ZNF589: variants seen among roughly 807,000 people sequenced by gnomAD.
ZNF589 encodes KRAB-zinc finger protein SZF1-1.
A neutral mutation model predicts 13.6 loss-of-function variants in ZNF589; 17 were observed. The ratio of observed to expected loss-of-function variants is 1.25; its 90% CI spans 0.86 to 1.88. The LOEUF is 1.88. Among genes scored for constraint, ZNF589 ranks in the 40% most tolerant of loss-of-function variants. The pLI is 0.00. For synonymous variants in ZNF589, 148 were observed against 161.6 expected (o/e 0.92, Z 0.64); for missense variants, 407 against 434.0 (o/e 0.94, Z 0.55).
At chr3:48,264,627 G>A (rs1249655505) in intron 3 of ZNF589, among the ~76,000 whole-genome samples, 3 of 151,672 alleles carry the variant, frequency 2.0e-5, no homozygotes, top group East Asian at 3.9e-4. Context: ...TCAGGAGTTC[G>A]AGACCAGCCT....
Position 48,260,912 on chromosome 3 carries a change from G to T in ZNF589, c.196G>T (p.Glu66Ter). ...QRNLYKEVML[E>*]NLRNLVSLAE... is the part of the protein sequence containing the mutation. The stretch of plus-strand genomic sequence containing the variant: ...GAACCTATACAAAGAAGTGATGCTG[G>T]AAAATCTCAGGAATCTGGTCTCATT... The change falls in exon 3 of 4, where the codon GAA becomes TAA. Residue 66 changes from glutamate (E) to a stop codon, truncating the protein, a stop_gained. Coordinates refer to ENST00000354698, the MANE Select transcript of ZNF589 (RefSeq NM_016089.3). LOFTEE classifies it low-confidence loss of function (END_TRUNC). 1 of 1,614,150 alleles carries T rather than the reference G, an allele frequency of 6.2e-7. No individual in the cohort carries two copies. The highest frequency in any genetic ancestry group is 1.7e-5 in the Admixed American group (1 of 60,006).
intron 1 of ZNF589, among the ~76,000 whole-genome samples, chr3:48,246,181 G>C (rs28459072): frequency 3.3e-5 from 5 of 151,996 alleles, no homozygotes; most frequent in Non-Finnish European, 5.9e-5. Context: ...GGGCATGGTG[G>C]TGCATGCCTG....
At chr3:48,245,571 G>A (rs1410943020) in intron 1 of ZNF589, among the ~76,000 whole-genome samples, 1 of 152,180 alleles carries the variant, frequency 6.6e-6, no homozygotes, top group African/African-American at 2.4e-5. Flanking sequence ...TTAGAAATAT[G>A]ACATCCCAGT....
chr3:48,259,056 G>A (rs960720505), intron 2 of ZNF589, among the ~76,000 whole-genome samples: 6 of 152,218 alleles, frequency 3.9e-5, no homozygotes, highest in Admixed American at 6.5e-5. Context: ...GAACCAGGAT[G>A]TGCCTGAAGC....
chr3:48,245,701 AT>A (rs1455898182), intron 1 of ZNF589, among the ~76,000 whole-genome samples: 1 of 152,140 alleles, frequency 6.6e-6, no homozygotes, highest in Non-Finnish European at 1.5e-5. Flanking sequence ...TAATCCCAGC[AT>A]TTGGGAGGCC....
intron 3 of ZNF589, among the ~76,000 whole-genome samples, chr3:48,265,256 G>A (rs2034007589): frequency 7.2e-6 from 1 of 138,614 alleles, no homozygotes; most frequent in African/African-American, 2.7e-5. Context: ...ACAGGCATGA[G>A]CCACTGTGCC....
At position 48,268,262 on chromosome 3, in the gene ZNF589, C is replaced by T; in HGVS notation, c.571C>T (p.Pro191Ser). ...CAGAATATTAGAGATACAGCTCAGT[C>T]CAGCCCAGAATGCAAGCTCTGAGGA... ...GNRILEIQLS[P>S]AQNASSEEVD... The change falls in exon 4 of 4, where the codon CCA becomes TCA. Residue 191 changes from proline (P) to serine (S), a missense_variant. Physicochemically the swap from Pro to Ser is moderately conservative, Grantham distance 74. Coordinates refer to ENST00000354698, the MANE Select transcript of ZNF589 (RefSeq NM_016089.3). 12 of 1,609,686 alleles carry T rather than the reference C, an allele frequency of 7.5e-6. No homozygotes were observed. The highest frequency in any genetic ancestry group is 1.0e-5 in the Non-Finnish European group (12 of 1,177,596).
intron 2 of ZNF589, chr3:48,256,558 C>T: frequency 1.5e-6 from 1 of 674,890 alleles, no homozygotes; most frequent in South Asian, 1.6e-5. Flanking sequence ...GATTTGGTAA[C>T]AGACCTGCTC....
rs2034058503 is a variant in ZNF589, at chr3:48,269,023, T to A, written c.*237T>A. 12 of 704,440 alleles carry A rather than the reference T, an allele frequency of 1.7e-5. No individual in the cohort carries two copies. Among genetic ancestry groups the A allele is most frequent in the Non-Finnish European group, 2.9e-5 (12 of 415,402 alleles). 43.6% of individuals were successfully genotyped at this position (704,440 alleles called of 1,614,324 possible). Reference sequence around the variant, plus strand: ...GAACACACTCAGGGGAGAAGCCTTATGTGTGTGGGGAATGTGGGCGGGGAT... The same window carrying A: ...GAACACACTCAGGGGAGAAGCCTTAAGTGTGTGGGGAATGTGGGCGGGGAT... On this transcript the variant is annotated 3_prime_UTR_variant, in exon 4 of 4. Coordinates refer to ENST00000354698, the MANE Select transcript of ZNF589 (RefSeq NM_016089.3).
chr3:48,265,958 T>G (rs2034015270), intron 3 of ZNF589, among the ~76,000 whole-genome samples: 1 of 152,138 alleles, frequency 6.6e-6, no homozygotes, highest in South Asian at 2.1e-4. Context: ...AAAGACCAAA[T>G]GTAATGCTGG....
At chr3:48,255,871 G>A (rs572671821) in intron 2 of ZNF589, among the ~76,000 whole-genome samples, 2 of 152,200 alleles carry the variant, frequency 1.3e-5, no homozygotes, top group East Asian at 3.9e-4. Flanking sequence ...CTCCCAAACT[G>A]TTGGGATTAC....
chr3:48,264,921 T>C (rs1276745685), intron 3 of ZNF589, among the ~76,000 whole-genome samples: 1 of 152,202 alleles, frequency 6.6e-6, no homozygotes, highest in African/African-American at 2.4e-5. Flanking sequence ...GGCAGAACTC[T>C]GTGGTTCCAG....
At chr3:48,253,688 G>A (rs918042452) in intron 2 of ZNF589, among the ~76,000 whole-genome samples, 4 of 151,794 alleles carry the variant, frequency 2.6e-5, no homozygotes, top group Non-Finnish European at 5.9e-5. Context: ...ATTTTTAGTA[G>A]AGACGGGGTT....
At chr3:48,256,059 A>C (rs2033899185) in intron 2 of ZNF589, among the ~76,000 whole-genome samples, 1 of 151,756 alleles carries the variant, frequency 6.6e-6, no homozygotes, top group African/African-American at 2.4e-5. Context: ...AGCCTAGTTT[A>C]TGACATTCCA....
intron 2 of ZNF589, among the ~76,000 whole-genome samples, chr3:48,259,085 T>C (rs917422986): frequency 1.8e-4 from 28 of 152,258 alleles, no homozygotes; most frequent in African/African-American, 6.7e-4. Context: ...ATGGAAAGCA[T>C]GTAAGGGACA....
rs756673175 is a variant in ZNF589, at chr3:48,268,647, T to A, written c.956T>A (p.Leu319His). ...CGRGFSCKPY[L>H]IRHQRTHTRE... ...CGAGGCTTTAGCTGCAAGCCATACCTCATCAGACATCAGAGGACACACACA... is the reference window on the plus strand; with the variant it reads ...CGAGGCTTTAGCTGCAAGCCATACCACATCAGACATCAGAGGACACACACA... The change falls in exon 4 of 4, where the codon CTC (leucine) becomes CAC (histidine). Residue 319 changes from leucine (L) to histidine (H), a missense_variant. By Grantham distance (99) the Leu-to-His change is moderately conservative. Transcript: ENST00000354698. 463 of 1,613,702 alleles carry A rather than the reference T, an allele frequency of 2.9e-4. 5 individuals are homozygous for A. The South Asian group carries it at 5.0e-3, about 17-fold the overall frequency.
chr3:48,244,433 A>G (rs950508400), intron 1 of ZNF589, among the ~76,000 whole-genome samples: 2 of 152,102 alleles, frequency 1.3e-5, no homozygotes, highest in African/African-American at 4.8e-5. Context: ...ATAATTTTAT[A>G]TATATATTTT....
At chr3:48,267,401 T>A (rs34225441) in intron 3 of ZNF589, among the ~76,000 whole-genome samples, 31,798 of 145,994 alleles carry the variant, frequency 0.22, 4,212 homozygotes, top group Non-Finnish European at 0.3. Flanking sequence ...AATAGAAGAA[T>A]TTTTTTTTTT....
At chr3:48,245,289 A>AT (rs1198055801) in intron 1 of ZNF589, among the ~76,000 whole-genome samples, 2 of 151,598 alleles carry the variant, frequency 1.3e-5, no homozygotes, top group Non-Finnish European at 2.9e-5. Context: ...TAATTTTTTT[A>AT]TTTTTTGTAG....
Sources: gnomAD v4.1 joint callset for allele counts (sites outside exome capture counted in the v4.1 genomes callset) on GRCh38, gnomAD v4.1.1 for gene constraint, MANE v1.5 for transcripts, NCBI Gene and HGNC (gene_info 2026-07-23, HGNC 2026-07-21) for gene names.